Variants in KDM4C observed in about 807,000 individuals in gnomAD.
KDM4C encodes the protein lysine demethylase 4C.
A neutral mutation model predicts 129.3 loss-of-function variants in KDM4C; 81 were observed. The ratio of observed to expected loss-of-function variants is 0.63; its 90% CI spans 0.52 to 0.75. The LOEUF (loss-of-function observed/expected upper bound fraction) is 0.75, where lower values mean the gene tolerates loss of function less well. Among genes scored for constraint, KDM4C ranks in the 30% least tolerant of loss-of-function variants. The probability of loss-of-function intolerance (pLI) is 0.00; values close to 1 mark genes in which losing one functional copy is unlikely to be tolerated. For synonymous variants in KDM4C, 573 were observed against 456.1 expected, an observed-to-expected ratio of 1.26 and a Z score of -3.26; for missense variants, 1,457 against 1,304.0, an observed-to-expected ratio of 1.12 and a Z score of -1.81.
In KDM4C at chr9:6,787,152, G is replaced by C. The variant is rs565412445; in HGVS notation, c.-17-5820G>C. 3.9e-5 allele frequency among the ~76,000 whole-genome samples: 6 copies of C among 152,294 alleles called. No homozygotes were observed. In the South Asian group the frequency reaches 1.2e-3, roughly 32 times the overall value. On this transcript the variant is annotated intron_variant, in intron 1 of 21. Coordinates refer to ENST00000381309, the MANE Select transcript of KDM4C (RefSeq NM_015061.6). ...AGACCAGTTAGCAAACTAGGTCAAG[G>C]TCTAGGTTTAATTCTAGTAGCCACT...
At chr9:7,129,608 A>G (rs1840398533) in intron 19 of KDM4C, among the ~76,000 whole-genome samples, 1 of 152,144 alleles carries the variant, frequency 6.6e-6, no homozygotes, top group Non-Finnish European at 1.5e-5. Context: ...CTGGAAACAT[A>G]AAGAGAAAGA....
intron 4 of KDM4C, among the ~76,000 whole-genome samples, chr9:6,845,667 C>T (rs1242421874): frequency 1.3e-5 from 2 of 152,046 alleles, no homozygotes; most frequent in African/African-American, 2.4e-5. Flanking sequence ...ATGCAGGATA[C>T]GTAAAGGAAT....
intron 19 of KDM4C, among the ~76,000 whole-genome samples, chr9:7,145,424 A>G (rs1454455337): frequency 6.6e-6 from 1 of 152,162 alleles, no homozygotes; most frequent in Non-Finnish European, 1.5e-5. Flanking sequence ...TAGGTGAGAC[A>G]GGCTGATGGG....
chr9:6,833,513 C>T (rs567743217), intron 4 of KDM4C, among the ~76,000 whole-genome samples: 1 of 152,314 alleles, frequency 6.6e-6, no homozygotes. Flanking sequence ...TTAGAATTTT[C>T]ATTCTCACCC....
At chr9:6,813,905 A>G (rs1831612720) in intron 3 of KDM4C, among the ~76,000 whole-genome samples, 1 of 152,056 alleles carries the variant, frequency 6.6e-6, no homozygotes, top group African/African-American at 2.4e-5. Flanking sequence ...ATCTTGTTTT[A>G]TATTCTGTAT....
chr9:7,013,723 G>C (rs981093064), intron 13 of KDM4C, 65 bp from the exon 14 acceptor site: 1 of 1,478,548 alleles, frequency 6.8e-7, no homozygotes, highest in Admixed American at 1.8e-5. Context: ...TAGTGGATTT[G>C]AGTGACTAGA....
intron 8 of KDM4C, chr9:6,902,638 C>T (rs948421688): frequency 6.6e-6 from 1 of 152,084 alleles, no homozygotes; most frequent in Non-Finnish European, 1.5e-5. Context: ...GGAAGTGACT[C>T]ATTGTGGGTC....
At chr9:7,071,640 A>G (rs1833207838) in intron 17 of KDM4C, among the ~76,000 whole-genome samples, 1 of 152,206 alleles carries the variant, frequency 6.6e-6, no homozygotes, top group Non-Finnish European at 1.5e-5. Context: ...ATCATAAACA[A>G]ACATCAAACC....
At chr9:7,093,417 C>G (rs1434747649) in intron 17 of KDM4C, among the ~76,000 whole-genome samples, 11 of 152,148 alleles carry the variant, frequency 7.2e-5, no homozygotes, top group Admixed American at 7.2e-4. Context: ...ACGGAAAACT[C>G]AAGCCTCCCC....
Position 6,932,386 on chromosome 9 carries a change from C to T in KDM4C, c.921+39154C>T, listed in dbSNP as rs553227840. ...CTTGAAATGGACTTTGAGGAAGAAT[C>T]TGTAATCCATAAGCTTAGTAATGCC... On this transcript the variant is annotated intron_variant, in intron 8 of 21. Transcript: ENST00000381309. 4.6e-5 allele frequency among the ~76,000 whole-genome samples: 7 copies of T among 152,256 alleles called. No individual in the cohort carries two copies. In the South Asian group the frequency reaches 1.5e-3, roughly 32 times the overall value.
intron 15 of KDM4C, among the ~76,000 whole-genome samples, chr9:7,026,478 T>C (rs1825839921): frequency 6.6e-6 from 1 of 152,132 alleles, no homozygotes; most frequent in South Asian, 2.1e-4. Flanking sequence ...CCATTGAATG[T>C]TATTTTTTTC....
intron 1 of KDM4C, among the ~76,000 whole-genome samples, chr9:6,763,420 T>A (rs956702906): frequency 2.6e-5 from 4 of 152,174 alleles, no homozygotes; most frequent in African/African-American, 9.7e-5. Context: ...TCCTGCACAC[T>A]GGCCATAGCA....
chr9:6,883,668 A>G (rs1289240249), intron 6 of KDM4C, among the ~76,000 whole-genome samples: 1 of 152,186 alleles, frequency 6.6e-6, no homozygotes, highest in Admixed American at 6.5e-5. Context: ...GAGAATGGAG[A>G]GGAAGAATTC....
intron 12 of KDM4C, among the ~76,000 whole-genome samples, chr9:7,000,550 A>C (rs765177910): frequency 3.3e-5 from 5 of 152,342 alleles, no homozygotes; most frequent in African/African-American, 1.2e-4. Context: ...AAAGTCCTGT[A>C]GAAAACTACC....
At chr9:7,079,716 G>GT (rs1834316319) in intron 17 of KDM4C, among the ~76,000 whole-genome samples, 1 of 152,168 alleles carries the variant, frequency 6.6e-6, no homozygotes, top group Admixed American at 6.5e-5. Flanking sequence ...GATTCTATGT[G>GT]TTTTGTAATA....
intron 20 of KDM4C, among the ~76,000 whole-genome samples, chr9:7,167,233 C>G (rs1362963806): frequency 2.6e-5 from 4 of 152,198 alleles, no homozygotes; most frequent in African/African-American, 7.2e-5. Flanking sequence ...TCTCTCAGCT[C>G]TGCCCTAACT....
At chr9:7,123,108 A>T (rs1018165953) in intron 18 of KDM4C, among the ~76,000 whole-genome samples, 5 of 152,236 alleles carry the variant, frequency 3.3e-5, no homozygotes, top group Non-Finnish European at 5.9e-5. Context: ...TGAAATGGTC[A>T]TGCCTGAAGT....
intron 17 of KDM4C, among the ~76,000 whole-genome samples, chr9:7,068,712 T>C (rs1832785886): frequency 8.3e-6 from 1 of 120,374 alleles, no homozygotes; most frequent in East Asian, 2.8e-4. Flanking sequence ...TTTTTTTTTT[T>C]TGAAACAGAA....
At chr9:7,040,612 A>G (rs1483768081) in intron 15 of KDM4C, among the ~76,000 whole-genome samples, 1 of 151,804 alleles carries the variant, frequency 6.6e-6, no homozygotes, top group African/African-American at 2.4e-5. Flanking sequence ...TATCACACTG[A>G]GAGTGTTTCT....
Sources: allele counts gnomAD v4.1 joint callset (sites outside exome capture counted in the v4.1 genomes callset), GRCh38; gene constraint gnomAD v4.1.1; transcripts MANE v1.5; gene names NCBI Gene and HGNC (gene_info 2026-07-23, HGNC 2026-07-21).